PRDM11: variants seen among roughly 807,000 people sequenced by gnomAD.
PRDM11 encodes PR/SET domain 11, also known as PR domain-containing protein 11.
Under a neutral mutation model 97.8 loss-of-function variants are expected in PRDM11, and 20 were observed. That is an observed-to-expected ratio of 0.20 (90% CI 0.14 to 0.30). The LOEUF (loss-of-function observed/expected upper bound fraction) is 0.30, where lower values mean the gene tolerates loss of function less well. PRDM11 is among the 10% of genes least tolerant of loss of function. PRDM11 has a pLI of 1.00. For missense variants in PRDM11, 1,139 were observed against 1,555.2 expected, an observed-to-expected ratio of 0.73 and a Z score of 4.50; for synonymous variants, 599 against 637.7, an observed-to-expected ratio of 0.94 and a Z score of 0.91.
At chr11:45,188,389 A>T (rs1385499242) in intron 4 of PRDM11, among the ~76,000 whole-genome samples, 9 of 152,076 alleles carry the variant, frequency 5.9e-5, no homozygotes, top group African/African-American at 1.9e-4. Context: ...TGGGGTTCAA[A>T]CCTGTGCAGT....
At chr11:45,204,054 C>T (rs1184890311) in intron 4 of PRDM11, among the ~76,000 whole-genome samples, 1 of 152,192 alleles carries the variant, frequency 6.6e-6, no homozygotes, top group Non-Finnish European at 1.5e-5. Flanking sequence ...CACAAAAGAA[C>T]AACATTAGAC....
intron 1 of PRDM11, among the ~76,000 whole-genome samples, chr11:45,150,112 A>G (rs1293506907): frequency 2.0e-5 from 3 of 151,960 alleles, no homozygotes; most frequent in Non-Finnish European, 4.4e-5. Context: ...TGTCCCTCCC[A>G]TTTGTCATGT....
chr11:45,149,186 C>A (rs1015697337), intron 1 of PRDM11, among the ~76,000 whole-genome samples: 1 of 152,252 alleles, frequency 6.6e-6, no homozygotes, highest in South Asian at 2.1e-4. Context: ...CAGTCACCCC[C>A]TCATGGCAGT....
At chr11:45,223,269 C>T (rs1293773089) in intron 6 of PRDM11, among the ~76,000 whole-genome samples, 1 of 152,124 alleles carries the variant, frequency 6.6e-6, no homozygotes, top group Non-Finnish European at 1.5e-5. Context: ...CACCACTGCA[C>T]TTCAGCCTGG....
chr11:45,105,981 G>A (rs1053667663), intron 1 of PRDM11, among the ~76,000 whole-genome samples: 3 of 152,214 alleles, frequency 2.0e-5, no homozygotes, highest in Non-Finnish European at 2.9e-5. Context: ...TCCTGGCACC[G>A]AGAAGGCTTT....
chr11:45,169,695 C>G (rs1852154896), intron 1 of PRDM11, among the ~76,000 whole-genome samples: 1 of 149,234 alleles, frequency 6.7e-6, no homozygotes, highest in South Asian at 2.2e-4. Context: ...TTGATATCCC[C>G]AGGCCCAGAG....
rs184270251 is a variant in PRDM11 at position 45,128,151 on chromosome 11, T to G, written c.96+32250T>G. 8.9e-3 allele frequency among the ~76,000 whole-genome samples: 1,358 copies of G among 152,318 alleles called. 49 individuals carry two copies. The highest frequency in any genetic ancestry group is 0.061 in the Admixed American group (941 of 15,308). ...TGTGGGCGTAGGACCCTCCGAGCCA[T>G]GTGCAGGATATAATCTCCTGGTGTG... On this transcript the variant is annotated intron_variant, in intron 1 of 6. Coordinates refer to the PRDM11 transcript ENST00000530656.
In PRDM11 at chr11:45,118,779, C is replaced by T. The variant is rs181096347; in HGVS notation, c.96+22878C>T. Among the ~76,000 whole-genome samples the T allele has an allele frequency of 3.3e-5, 5 of 152,278 alleles. No homozygotes were observed. In the East Asian group the frequency reaches 9.6e-4, roughly 29 times the overall value. On this transcript the variant is annotated intron_variant, in intron 1 of 6. Coordinates refer to the PRDM11 transcript ENST00000530656. ...GTATGAATGACAAAATGTTTTTCCT[C>T]CAAAATCAGCAATAAGACATGAATA...
At chr11:45,147,005 G>C (rs1851526524) in intron 1 of PRDM11, 128 bp downstream of exon 1, 1 of 145,762 alleles carries the variant, frequency 6.9e-6, no homozygotes, top group African/African-American at 2.5e-5. Context: ...GGGGCGGCCG[G>C]GGGTCTCGGC....
chr11:45,226,233 G>A lies in PRDM11; in HGVS notation c.1608G>A (p.Thr536=), dbSNP rs1423744723. ...GGTGCCACGTCTGCCGCCAGTACAC[G>A]GTGCAGTCCTCACGCACCTCGGCCT... ...EMWCHVCRQY[T]VQSSRTSAFI... is the part of the protein sequence containing the mutation. The change falls in exon 8 of 8, where the codon ACG becomes ACA. Residue 536 remains threonine, a synonymous_variant. Coordinates refer to ENST00000683152, the MANE Select transcript of PRDM11 (RefSeq NM_001384648.1). 1.4e-5 allele frequency: 22 copies of A among 1,533,962 alleles called. No homozygotes were observed. Among genetic ancestry groups the A allele is most frequent in the South Asian group, 2.4e-5 (2 of 83,968 alleles).
chr11:45,191,656 C>G (rs77889434), intron 4 of PRDM11, among the ~76,000 whole-genome samples: 14,411 of 152,012 alleles, frequency 0.095, 1,073 homozygotes, highest in Admixed American at 0.24. Context: ...AGCACTTTTT[C>G]CTTACTTTCT....
chr11:45,161,013 G>T (rs186849735), intron 1 of PRDM11, among the ~76,000 whole-genome samples: 1 of 152,294 alleles, frequency 6.6e-6, no homozygotes, highest in East Asian at 1.9e-4. Context: ...TAGGAAGTGA[G>T]CTCTGGAGTC....
At chr11:45,099,250 C>T (rs1226687637) in intron 1 of PRDM11, among the ~76,000 whole-genome samples, 2 of 151,832 alleles carry the variant, frequency 1.3e-5, no homozygotes, top group African/African-American at 2.4e-5. Flanking sequence ...CTCAGGAATT[C>T]GAGAGCAGCC....
chr11:45,212,751 G>A (rs975998127), intron 5 of PRDM11: 16 of 456,466 alleles, frequency 3.5e-5, no homozygotes, highest in East Asian at 1.4e-4. Context: ...GAGGTGTTCC[G>A]GCAGTTCTGC....
At chr11:45,125,693 T>C (rs1250615044) in intron 1 of PRDM11, among the ~76,000 whole-genome samples, 1 of 152,224 alleles carries the variant, frequency 6.6e-6, no homozygotes, top group East Asian at 1.9e-4. Flanking sequence ...GATTGCACTG[T>C]GGTTTGAGAG....
intron 1 of PRDM11, among the ~76,000 whole-genome samples, chr11:45,167,759 CCACACACACACACACACACACACACACA>C (rs34333065): frequency 1.4e-5 from 2 of 143,220 alleles, no homozygotes; most frequent in Non-Finnish European, 3.0e-5. Flanking sequence ...TCATTTCACA[CCACACACACACACACACACACACACACA>C]CACACACACA....
At chr11:45,177,941 G>T (rs1852368486) in intron 1 of PRDM11, among the ~76,000 whole-genome samples, 1 of 152,082 alleles carries the variant, frequency 6.6e-6, no homozygotes, top group African/African-American at 2.4e-5. Context: ...ATAAAACATT[G>T]CAAATCTTTT....
In PRDM11 at chr11:45,226,570, G is replaced by A. The variant is rs1854278967; in HGVS notation, c.1945G>A (p.Val649Met). The change falls in exon 8 of 8, where the codon GTG becomes ATG. Residue 649 changes from valine (V) to methionine (M), a missense_variant. Around this residue, in one of 2 missense-constraint regions of PRDM11, gnomAD observed 710 missense variants for 1,044.9 expected, o/e 0.68. Coordinates refer to ENST00000683152, the MANE Select transcript of PRDM11 (RefSeq NM_001384648.1). ...HIARALREDL[V>M]ERIRQSPCLS... Reference sequence around the variant, plus strand: ...CGCCCGGGCCCTGCGGGAAGACCTGGTGGAGCGCATCCGCCAGTCACCTTG... The same window carrying A: ...CGCCCGGGCCCTGCGGGAAGACCTGATGGAGCGCATCCGCCAGTCACCTTG... 6.5e-7 allele frequency: 1 copy of A among 1,533,926 alleles called. No individual in the cohort carries two copies. The highest frequency in any genetic ancestry group is 8.7e-7 in the Non-Finnish European group (1 of 1,146,724).
chr11:45,189,942 A>C (rs1447398743), intron 4 of PRDM11, among the ~76,000 whole-genome samples: 2 of 152,168 alleles, frequency 1.3e-5, no homozygotes, highest in Admixed American at 6.5e-5. Flanking sequence ...GTGAGCATGC[A>C]CGAGCAGGTG....
Sources: gnomAD v4.1 joint callset for allele counts (sites outside exome capture counted in the v4.1 genomes callset) on GRCh38, gnomAD v4.1.1 for gene constraint, gnomAD v4.1.1 regional missense constraint, MANE v1.5 for transcripts, NCBI Gene and HGNC (gene_info 2026-07-23, HGNC 2026-07-21) for gene names.